The following IPO5 variants were observed in gnomAD, a reference collection of about 807,000 sequenced individuals.
IPO5 encodes importin 5.
IPO5 carries 18 observed loss-of-function variants against 143.3 expected under a neutral mutation model. The ratio of observed to expected loss-of-function variants is 0.13; its 90% CI spans 0.09 to 0.19. The LOEUF is 0.19. IPO5 is among the 10% of genes least tolerant of loss of function. The pLI is 1.00. For synonymous variants in IPO5, 477 were observed against 465.7 expected (o/e 1.02, Z -0.31); for missense variants, 1,013 against 1,336.9 (o/e 0.76, Z 3.78).
intron 2 of IPO5, among the ~76,000 whole-genome samples, chr13:97,957,515 G>C (rs1455217074): frequency 2.0e-5 from 3 of 152,032 alleles, no homozygotes; most frequent in Admixed American, 2.0e-4. Context: ...TTCTTTAAAT[G>C]ATCATTCCAT....
At chr13:97,974,553 G>A (rs1426361603) in intron 3 of IPO5, among the ~76,000 whole-genome samples, 2 of 151,284 alleles carry the variant, frequency 1.3e-5, no homozygotes, top group Non-Finnish European at 2.9e-5. Flanking sequence ...CAGGTGATCC[G>A]CCCACCTCGG....
intron 16 of IPO5, among the ~76,000 whole-genome samples, chr13:98,004,238 A>T (rs767771286): frequency 2.6e-5 from 4 of 152,236 alleles, no homozygotes; most frequent in Admixed American, 1.3e-4. Flanking sequence ...GCAAATAGTT[A>T]ACAAACCACA....
chr13:98,005,571 G>A (rs1889169465), intron 16 of IPO5, among the ~76,000 whole-genome samples: 1 of 151,950 alleles, frequency 6.6e-6, no homozygotes, highest in South Asian at 2.1e-4. Context: ...GTAAGCATTT[G>A]TTACTAGCTG....
intron 2 of IPO5, among the ~76,000 whole-genome samples, chr13:97,959,935 C>T (rs1884732841): frequency 6.6e-6 from 1 of 152,172 alleles, no homozygotes. Context: ...ATCCCCACAG[C>T]CTAGCAGCAC....
At chr13:97,956,850 G>A (rs991096154) in intron 2 of IPO5, among the ~76,000 whole-genome samples, 13 of 152,180 alleles carry the variant, frequency 8.5e-5, no homozygotes, top group Non-Finnish European at 1.2e-4. Flanking sequence ...TCTGGTGGTA[G>A]TGTCCGGGAC....
intron 16 of IPO5, among the ~76,000 whole-genome samples, chr13:98,004,730 A>G (rs1230616514): frequency 6.6e-6 from 1 of 152,230 alleles, no homozygotes; most frequent in Non-Finnish European, 1.5e-5. Context: ...GTTGAGGTAC[A>G]GAAGCAGAAA....
At chr13:97,975,026 C>G (rs1886149237) in intron 3 of IPO5, among the ~76,000 whole-genome samples, 1 of 152,188 alleles carries the variant, frequency 6.6e-6, no homozygotes, top group South Asian at 2.1e-4. Context: ...TTTTGACTTT[C>G]AAAGAGCAGA....
Position 98,002,696 on chromosome 13 carries a change from A to G in IPO5, c.1246A>G (p.Arg416Gly). ...GAACATTTTCCAGCATCCAAGAGTA[A>G]GGTATGCAGCCTGTAATGCCGTGGG... Reference protein sequence around the residue: ...LFLQDPHPRVRYAACNAVGQM... With the variant: ...LFLQDPHPRVGYAACNAVGQM... The change falls in exon 15 of 29, where the codon AGG becomes GGG. Residue 416 changes from arginine (R) to glycine (G), a missense_variant. Physicochemically the swap from Arg to Gly is moderately radical, Grantham distance 125 (BLOSUM62 -2). Transcript: ENST00000651721. 1.2e-6 allele frequency: 2 copies of G among 1,609,990 alleles called. No homozygotes were observed. The highest frequency in any genetic ancestry group is 1.7e-6 in the Non-Finnish European group (2 of 1,178,272).
chr13:98,009,570 G>C (rs1272518207), intron 18 of IPO5, among the ~76,000 whole-genome samples: 1 of 152,138 alleles, frequency 6.6e-6, no homozygotes, highest in Non-Finnish European at 1.5e-5. Flanking sequence ...TAGGTGATTA[G>C]TTTCATTTAG....
At chr13:97,995,107 G>A (rs1489266275) in intron 11 of IPO5, among the ~76,000 whole-genome samples, 6 of 149,706 alleles carry the variant, frequency 4.0e-5, no homozygotes, top group Non-Finnish European at 7.4e-5. Context: ...CCTGGGTGAC[G>A]GAGTGAGACC....
chr13:98,014,231 T>TA lies in IPO5; in HGVS notation c.2325+23dup. On this transcript the variant is annotated intron_variant, in intron 22 of 28. Transcript: ENST00000651721. ...TTTGCAAAGGTGAATATTTTTCTCT[T>TA]AAAAAATATGTATAAGGTTGTATGT... The TA allele has an allele frequency of 6.4e-7, 1 of 1,555,394 alleles. No individual in the cohort carries two copies. The highest frequency in any genetic ancestry group is 8.8e-7 in the Non-Finnish European group (1 of 1,132,926).
At chr13:97,979,185 T>C (rs956226316) in intron 4 of IPO5, among the ~76,000 whole-genome samples, 3 of 152,164 alleles carry the variant, frequency 2.0e-5, no homozygotes, top group Non-Finnish European at 4.4e-5. Context: ...AGAAATATTT[T>C]CTATGAACTG....
intron 2 of IPO5, among the ~76,000 whole-genome samples, chr13:97,966,124 G>GC (rs1162942074): frequency 8.3e-6 from 1 of 120,108 alleles, no homozygotes; most frequent in Admixed American, 9.4e-5. Context: ...ACAGAGCAAG[G>GC]CCCCCTCTCA....
intron 18 of IPO5, among the ~76,000 whole-genome samples, chr13:98,009,626 TA>T (rs1287841314): frequency 2.0e-5 from 3 of 152,188 alleles, no homozygotes; most frequent in African/African-American, 7.2e-5. Flanking sequence ...TTACTGAAAG[TA>T]GAAAGAAATA....
Position 97,990,552 on chromosome 13 carries a change from T to C in IPO5, c.669+15T>C, listed in dbSNP as rs969460186. 7.3e-7 allele frequency: 1 copy of C among 1,379,148 alleles called. No individual in the cohort carries two copies. The highest frequency in any genetic ancestry group is 1.5e-5 in the African/African-American group (1 of 68,658). 85.4% of individuals were successfully genotyped at this position (1,379,148 alleles called of 1,614,324 possible). The stretch of plus-strand genomic sequence containing the variant: ...GATTCCTACAGGTATGAAAGCAATA[T>C]AGAATAAATCATAATTATATCTTAT... On this transcript the variant is annotated intron_variant, in intron 9 of 28. Transcript: ENST00000651721.
rs146346665 is a variant in IPO5 at position 98,020,569 on chromosome 13, G to C, written c.3066-423G>C. On this transcript the variant is annotated intron_variant, in intron 27 of 28. Coordinates refer to ENST00000651721, the MANE Select transcript of IPO5 (RefSeq NM_002271.6). ...GAAATTCTCTTAGTGACAAAGACTA[G>C]AATTCTTAAATTCGCTATCAGGTTT... is the stretch of plus-strand genomic sequence containing the variant. 4.6e-5 allele frequency among the ~76,000 whole-genome samples: 7 copies of C among 152,274 alleles called. No individual in the cohort carries two copies. The East Asian group carries it at 1.3e-3, about 29-fold the overall frequency.
intron 22 of IPO5, among the ~76,000 whole-genome samples, chr13:98,014,838 CTTTT>C (rs780865647): frequency 1.6e-4 from 20 of 122,180 alleles, no homozygotes; most frequent in African/African-American, 8.4e-4. Flanking sequence ...CAATTCTTCT[CTTTT>C]TTTTTTTTTT....
chr13:97,981,459 T>C (rs1886841786), intron 4 of IPO5: 2 of 294,600 alleles, frequency 6.8e-6, no homozygotes, highest in Admixed American at 1.0e-4. Flanking sequence ...ATGGATGCCA[T>C]GGGGCACTTA....
chr13:97,993,698 G>T (rs188148632), intron 11 of IPO5, among the ~76,000 whole-genome samples: 3 of 152,288 alleles, frequency 2.0e-5, no homozygotes, highest in African/African-American at 7.2e-5. Context: ...AACTTAAATG[G>T]CTATTGTGCT....
Sources: allele counts gnomAD v4.1 joint callset (sites outside exome capture counted in the v4.1 genomes callset), GRCh38; gene constraint gnomAD v4.1.1; transcripts MANE v1.5; gene names NCBI Gene and HGNC (gene_info 2026-07-23, HGNC 2026-07-21).